C2orf81: variants seen among roughly 807,000 people sequenced by gnomAD.
C2orf81 encodes the protein uncharacterized protein C2orf81.
In C2orf81, 5 loss-of-function variants were observed where a neutral mutation model predicts 7.9. That is an observed-to-expected ratio of 0.63 (90% CI 0.33 to 1.33). C2orf81 has a LOEUF of 1.33. Ranked by LOEUF, C2orf81 falls within the 40% of genes most tolerant of loss-of-function variation. The pLI, the probability that C2orf81 is intolerant of heterozygous loss-of-function variation, is 0.05. For synonymous variants in C2orf81, 346 were observed against 367.4 expected (o/e 0.94, Z 0.66); for missense variants, 781 against 830.4 (o/e 0.94, Z 0.73).
chr2:74,418,317 T>C (rs1353257745), intron 1 of C2orf81: 1 of 1,606,160 alleles, frequency 6.2e-7, no homozygotes. Flanking sequence ...TCTGACTCCC[T>C]ACCAGCGCTG....
Position 74,416,216 on chromosome 2 carries a change from C to G in C2orf81, c.44G>C (p.Arg15Pro). ...GSRQERQVRD[R>P]GVTRSKAEKV... ...TTCCGCCTTGGACCGGGTCACCCCG[C>G]GGTCTCGGACCTGCCTCTCCTGCCT... The change falls in exon 2 of 3, where the codon CGC becomes CCC. Residue 15 changes from arginine (R) to proline (P), a missense_variant. Physicochemically the swap from Arg to Pro is moderately radical, Grantham distance 103 (BLOSUM62 -2). Coordinates refer to ENST00000684111, the MANE Select transcript of C2orf81 (RefSeq NM_001316764.3). The G allele has an allele frequency of 7.1e-7, 1 of 1,398,942 alleles. No homozygotes were observed. 86.7% of individuals were successfully genotyped at this position (1,398,942 alleles called of 1,614,324 possible).
At chr2:74,418,099 A>C in intron 1 of C2orf81, 1 of 673,540 alleles carries the variant, frequency 1.5e-6, no homozygotes, top group Non-Finnish European at 2.7e-6. Context: ...AGCAGATCAA[A>C]GCTGTCCAGT....
At chr2:74,418,523 G>C in intron 1 of C2orf81, 1 of 906,930 alleles carries the variant, frequency 1.1e-6, no homozygotes, top group Non-Finnish European at 1.8e-6. Context: ...GCATGCTCCG[G>C]TTTGCCGGGA....
In C2orf81 at chr2:74,415,102, G is replaced by A; in HGVS notation, c.1075C>T (p.Arg359Trp). 3 of 1,546,534 alleles carry A rather than the reference G, an allele frequency of 1.9e-6. No individual in the cohort carries two copies. The highest frequency in any genetic ancestry group is 2.6e-6 in the Non-Finnish European group (3 of 1,144,672). ...ATCCTGTGGTGGTGGGCGCTCAGCC[G>A]CACATCCGAGTGCCCGGCCCGCTGC... ...QQQRAGHSDV[R>W]LSAHHHRMRR... The change falls in exon 3 of 3, where the codon CGG becomes TGG. Residue 359 changes from arginine (R) to tryptophan (W), a missense_variant. Physicochemically the swap from Arg to Trp is moderately radical, Grantham distance 101. Transcript: ENST00000684111. The surrounding 1 kb of genome is among the most constrained non-coding windows in gnomAD (Gnocchi z 5.5).
At position 74,415,112 on chromosome 2, in the gene C2orf81, G is replaced by A; in HGVS notation, c.1065C>T (p.His355=). The A allele has an allele frequency of 6.5e-7, 1 of 1,545,812 alleles. No homozygotes were observed. Among genetic ancestry groups the A allele is most frequent in the Non-Finnish European group, 8.7e-7 (1 of 1,144,326 alleles). The part of the protein sequence containing the change: ...SASCQQQRAG[H]SDVRLSAHHH... ...GGTGGGCGCTCAGCCGCACATCCGA[G>A]TGCCCGGCCCGCTGCTGCTGGCAGG... The change falls in exon 3 of 3, where the codon CAC becomes CAT. Residue 355 remains histidine (H), a synonymous_variant. Coordinates refer to ENST00000684111, the MANE Select transcript of C2orf81 (RefSeq NM_001316764.3). This position sits in a 1 kb window ranked among gnomAD's most constrained non-coding sequence, Gnocchi z 5.5.
At position 74,414,194 on chromosome 2, in the gene C2orf81, C is replaced by T. The variant is rs1042578942; in HGVS notation, c.*135G>A. On this transcript the variant is annotated 3_prime_UTR_variant, in exon 3 of 3. Coordinates refer to ENST00000684111, the MANE Select transcript of C2orf81 (RefSeq NM_001316764.3). The surrounding 1 kb of genome is among the most constrained non-coding windows in gnomAD (Gnocchi z 5.3). ...CATCAGACTAGTTCCTAAGGCAACT[C>T]AGGTGTTTATTTCTGGCTAGCAGAG... 1.2e-6 allele frequency: 1 copy of T among 866,800 alleles called. No individual in the cohort carries two copies. The highest frequency in any genetic ancestry group is 3.4e-5 in the Admixed American group (1 of 29,358). The allele number at this position is 866,800 out of a possible 1,614,324, so 53.7% of individuals were successfully genotyped here. A position where few individuals can be genotyped will look rare whatever the true frequency, so the allele number is the denominator to read the frequency against.
intron 1 of C2orf81, among the ~76,000 whole-genome samples, chr2:74,417,112 G>A (rs185303946): frequency 1.3e-5 from 2 of 152,346 alleles, no homozygotes; most frequent in South Asian, 2.1e-4. Context: ...ATTTGGCGCT[G>A]CTAGCAGCAG....
intron 1 of C2orf81, among the ~76,000 whole-genome samples, chr2:74,420,772 C>CTTTT (rs745827470): frequency 0.018 from 1,272 of 72,644 alleles, 126 homozygotes; most frequent in African/African-American, 0.059. Context: ...TCTTCTTCTT[C>CTTTT]TTTTTTTTTT....
At chr2:74,418,434 C>T in intron 1 of C2orf81, 1 of 1,557,740 alleles carries the variant, frequency 6.4e-7, no homozygotes, top group Non-Finnish European at 8.9e-7. Flanking sequence ...TCGAGCTCGA[C>T]TCGCTCATCT....
chr2:74,415,179 AC>A lies in C2orf81; in HGVS notation c.997del (p.Val333CysfsTer28). ...GVPCIASGVL[V>X]SYPSVGGATR... ...GGCGCCGCCCACAGAGGGGTAGGAC[AC>A]CAACACGCCCGAGGCGATGCAGGGC... is the stretch of plus-strand genomic sequence containing the variant. On this transcript the variant is annotated frameshift_variant, in exon 3 of 3. Transcript: ENST00000684111. LOFTEE classifies it low-confidence loss of function (END_TRUNC). This position sits in a 1 kb window ranked among gnomAD's most constrained non-coding sequence, Gnocchi z 5.5. 18 of 1,489,934 alleles carry A rather than the reference AC, an allele frequency of 1.2e-5. No homozygotes were observed. Among genetic ancestry groups the A allele is most frequent in the Non-Finnish European group, 1.5e-5 (17 of 1,142,810 alleles). The allele number at this position is 1,489,934 out of a possible 1,614,324, so 92.3% of individuals were successfully genotyped here.
rs1294250228 is a variant in C2orf81 at position 74,415,403 on chromosome 2, C to G, written c.774G>C (p.Ala258=). The G allele has an allele frequency of 3.3e-6, 5 of 1,526,770 alleles. No individual in the cohort carries two copies. Among genetic ancestry groups the G allele is most frequent in the Non-Finnish European group, 4.4e-6 (5 of 1,131,542 alleles). The allele number at this position is 1,526,770 out of a possible 1,614,324, so 94.6% of individuals were successfully genotyped here. The part of the protein sequence containing the change: ...RGLSSAGSLS[A]SFQLSVEEAP... The stretch of plus-strand genomic sequence containing the variant: ...CCTCCTCCACCGACAGTTGGAAGCT[C>G]GCGCTCAAGGACCCGGCCGAGGAGA... The change falls in exon 3 of 3, where the codon GCG becomes GCC. Residue 258 remains alanine (A), a synonymous_variant. Coordinates refer to ENST00000684111, the MANE Select transcript of C2orf81 (RefSeq NM_001316764.3). This position sits in a 1 kb window ranked among gnomAD's most constrained non-coding sequence, Gnocchi z 5.5.
chr2:74,414,953 G>C lies in C2orf81; in HGVS notation c.1224C>G (p.Arg408=), dbSNP rs1408732034. ...GGGCCTTGGTCTTCTCGCCCCGCTG[G>C]CGTCCGCGGTAGGCTTCCAAGGGGC... ...QTRPLEAYRG[R]QRGEKTKARA... Residue 408 remains arginine, a synonymous_variant, in exon 3 of 3, where the codon CGC becomes CGG. Transcript: ENST00000684111. This position sits in a 1 kb window ranked among gnomAD's most constrained non-coding sequence, Gnocchi z 5.3. 1 of 1,547,120 alleles carries C rather than the reference G, an allele frequency of 6.5e-7. No individual in the cohort carries two copies. The highest frequency in any genetic ancestry group is 8.7e-7 in the Non-Finnish European group (1 of 1,144,910).
rs1553369488 is a variant in C2orf81 at position 74,416,584 on chromosome 2, A to AAAAAAG, written c.19-349_19-344dup. 2.8e-3 allele frequency: 427 copies of AAAAAAG among 152,486 alleles called. 4 individuals are homozygous for AAAAAAG. The highest frequency in any genetic ancestry group is 0.011 in the African/African-American group (391 of 35,736). The allele number at this position is 152,486 out of a possible 1,614,324, so 9.4% of individuals were successfully genotyped here. A position where few individuals can be genotyped will look rare whatever the true frequency, so the allele number is the denominator to read the frequency against. On this transcript the variant is annotated intron_variant, in intron 1 of 2. Coordinates refer to ENST00000684111, the MANE Select transcript of C2orf81 (RefSeq NM_001316764.3). ...GCGTCTCAAAAAAAAAAAAAAAAAAAAAAAAGAAAAAGAAAAAGAAAGAAA... is the reference window on the plus strand; with the variant it reads ...GCGTCTCAAAAAAAAAAAAAAAAAAAAAAAAGAAAAAGAAAAAGAAAAAGAAAGAAA...
At chr2:74,416,395 G>A (rs1676469313) in intron 1 of C2orf81, 154 bp from the exon 2 acceptor site, 2 of 393,470 alleles carry the variant, frequency 5.1e-6, no homozygotes, top group Admixed American at 7.6e-5. Flanking sequence ...CTTAGTAGAT[G>A]TTTGACCTAA....
At chr2:74,418,638 G>A in intron 1 of C2orf81, 1 of 582,780 alleles carries the variant, frequency 1.7e-6, no homozygotes, top group Non-Finnish European at 3.1e-6. Context: ...AAATAGCCCA[G>A]GCTCGGAGTC....
chr2:74,416,225 A>G lies in C2orf81; in HGVS notation c.35T>C (p.Val12Ala). ...GGACCGGGTCACCCCGCGGTCTCGG[A>G]CCTGCCTCTCCTGCCTCTGTGAGAA... Reference protein sequence around the residue: ...AHEGSRQERQVRDRGVTRSKA... With the variant: ...AHEGSRQERQARDRGVTRSKA... The change falls in exon 2 of 3, where the codon GTC (valine) becomes GCC (alanine). Residue 12 changes from valine to alanine, a missense_variant. Coordinates refer to ENST00000684111, the MANE Select transcript of C2orf81 (RefSeq NM_001316764.3). 7.2e-7 allele frequency: 1 copy of G among 1,379,580 alleles called. No individual in the cohort carries two copies. Among genetic ancestry groups the G allele is most frequent in the Non-Finnish European group, 9.6e-7 (1 of 1,044,726 alleles). The allele number at this position is 1,379,580 out of a possible 1,614,324, so 85.5% of individuals were successfully genotyped here. A position where few individuals can be genotyped will look rare whatever the true frequency, so the allele number is the denominator to read the frequency against.
chr2:74,414,728 G>C lies in C2orf81; in HGVS notation c.1449C>G (p.His483Gln), dbSNP rs1303417190. The C allele has an allele frequency of 1.3e-6, 2 of 1,549,070 alleles. No individual in the cohort carries two copies. The highest frequency in any genetic ancestry group is 8.7e-7 in the Non-Finnish European group (1 of 1,145,342). The change falls in exon 3 of 3, where the codon CAC becomes CAG. Residue 483 changes from histidine to glutamine, a missense_variant. Transcript: ENST00000684111. This position sits in a 1 kb window ranked among gnomAD's most constrained non-coding sequence, Gnocchi z 5.3. ...TGCGGGCCACATCAGGGAGCACCGG[G>C]TGTGTGGTGAGGAAGCGGATCCTGG... is the stretch of plus-strand genomic sequence containing the variant. ...PNSRIRFLTT[H>Q]PVLPDVARSR...
rs999506133 is a variant in C2orf81, at chr2:74,415,383, T to C, written c.794A>G (p.Glu265Gly). Residue 265 changes from glutamate (E) to glycine (G), a missense_variant, in exon 3 of 3, where the codon GAG (glutamate) becomes GGG (glycine). Transcript: ENST00000684111. The surrounding 1 kb of genome is among the most constrained non-coding windows in gnomAD (Gnocchi z 5.5). ...SLSASFQLSV[E>G]EAPADDADPS... is the part of the protein sequence containing the mutation. ...GTCGGCATCGTCGGCAGGCGCCTCC[T>C]CCACCGACAGTTGGAAGCTCGCGCT... is the stretch of plus-strand genomic sequence containing the variant. 4.6e-6 allele frequency: 7 copies of C among 1,519,030 alleles called. No individual in the cohort carries two copies. In the African/African-American group the frequency reaches 9.7e-5, roughly 21 times the overall value. The allele number at this position is 1,519,030 out of a possible 1,614,324, so 94.1% of individuals were successfully genotyped here.
chr2:74,415,760 C>T lies in C2orf81; in HGVS notation c.417G>A (p.Val139=). The T allele has an allele frequency of 6.4e-7, 1 of 1,551,640 alleles. No individual in the cohort carries two copies. The highest frequency in any genetic ancestry group is 1.4e-5 in the African/African-American group (1 of 73,194). ...CCGAGGTGGACGCGTGCAGCACGGG[C>T]ACTGAACCCTGAGCCCAGGAGTCCG... is the stretch of plus-strand genomic sequence containing the variant. ...CTTDSWAQGS[V]PVLHASTSEG... The change falls in exon 3 of 3, where the codon GTG becomes GTA. Residue 139 remains valine (V), a synonymous_variant. Transcript: ENST00000684111. This position sits in a 1 kb window ranked among gnomAD's most constrained non-coding sequence, Gnocchi z 5.5.
Sources: gnomAD v4.1 joint callset for allele counts (sites outside exome capture counted in the v4.1 genomes callset) on GRCh38, gnomAD v4.1.1 for gene constraint, Gnocchi (gnomAD v3.1) non-coding constraint, MANE v1.5 for transcripts, NCBI Gene and HGNC (gene_info 2026-07-23, HGNC 2026-07-21) for gene names.